Variants in TRHDE observed in about 807,000 individuals in gnomAD.
TRHDE encodes the protein thyrotropin-releasing hormone-degrading ectoenzyme.
In TRHDE, 72 loss-of-function variants were observed where a neutral mutation model predicts 125.7. The observed-to-expected ratio is 0.57, with a 90% CI of 0.47 to 0.70. The LOEUF (loss-of-function observed/expected upper bound fraction) is 0.70. Among genes scored for constraint, TRHDE ranks in the 30% least tolerant of loss-of-function variants. The pLI is 0.00. For synonymous variants in TRHDE, 509 were observed against 509.1 expected (o/e 1.00, Z 0.00); for missense variants, 1,110 against 1,327.1 (o/e 0.84, Z 2.54).
At chr12:72,098,309 A>T (rs1874984159) in intron 1 of TRHDE, among the ~76,000 whole-genome samples, 1 of 152,124 alleles carries the variant, frequency 6.6e-6, no homozygotes, top group African/African-American at 2.4e-5. Context: ...TGTAGTTTTT[A>T]CCCTGTTTCC....
At chr12:72,189,671 C>T (rs1015251510) in intron 2 of TRHDE, among the ~76,000 whole-genome samples, 1 of 152,132 alleles carries the variant, frequency 6.6e-6, no homozygotes, top group African/African-American at 2.4e-5. Flanking sequence ...CTCCAAATGC[C>T]TCGAAGAAGG....
intron 2 of TRHDE, among the ~76,000 whole-genome samples, chr12:72,367,806 A>C (rs867537501): frequency 2.0e-5 from 3 of 152,180 alleles, no homozygotes; most frequent in African/African-American, 7.2e-5. Context: ...GCAAAAGGAG[A>C]AGTAAATGTA....
chr12:72,525,369 G>T (rs1026786985), intron 6 of TRHDE, among the ~76,000 whole-genome samples: 1 of 151,400 alleles, frequency 6.6e-6, no homozygotes, highest in East Asian at 1.9e-4. Context: ...TTTTCCCAAG[G>T]TTTATCATTT....
chr12:72,187,199 T>C (rs897119462), intron 2 of TRHDE, among the ~76,000 whole-genome samples: 2 of 152,122 alleles, frequency 1.3e-5, no homozygotes, highest in Admixed American at 6.5e-5. Flanking sequence ...ATCCTTGTGA[T>C]TATGTTATGA....
intron 2 of TRHDE, among the ~76,000 whole-genome samples, chr12:72,370,573 T>G (rs1427745636): frequency 6.6e-6 from 1 of 152,162 alleles, no homozygotes; most frequent in African/African-American, 2.4e-5. Flanking sequence ...ACTATATATC[T>G]CCTCACTTTT....
intron 3 of TRHDE, among the ~76,000 whole-genome samples, chr12:72,433,345 T>A (rs934612039): frequency 4.6e-5 from 7 of 152,168 alleles, no homozygotes; most frequent in African/African-American, 1.7e-4. Flanking sequence ...TGTGAAGAAC[T>A]GATATTAATT....
intron 2 of TRHDE, among the ~76,000 whole-genome samples, chr12:72,204,484 A>G (rs1201627424): frequency 6.6e-6 from 1 of 152,118 alleles, no homozygotes; most frequent in African/African-American, 2.4e-5. Context: ...TTAAGCAATC[A>G]CTTTTTGTTT....
chr12:72,180,100 C>T (rs962220867), intron 2 of TRHDE, among the ~76,000 whole-genome samples: 1 of 151,534 alleles, frequency 6.6e-6, no homozygotes, highest in African/African-American at 2.4e-5. Flanking sequence ...ATACTTGTGC[C>T]TCCATTCTGA....
intron 2 of TRHDE, among the ~76,000 whole-genome samples, chr12:72,352,406 C>A (rs902564608): frequency 1.3e-5 from 2 of 151,708 alleles, no homozygotes; most frequent in Non-Finnish European, 2.9e-5. Context: ...AATTCAACAG[C>A]GTCATTTATT....
chr12:72,227,851 G>C (rs1878165873), intron 2 of TRHDE, among the ~76,000 whole-genome samples: 1 of 152,158 alleles, frequency 6.6e-6, no homozygotes, highest in Non-Finnish European at 1.5e-5. Context: ...AAATCCAGTG[G>C]GGTAGTCAAA....
At chr12:72,362,479 G>C (rs1200167614) in intron 2 of TRHDE, among the ~76,000 whole-genome samples, 17 of 152,178 alleles carry the variant, frequency 1.1e-4, no homozygotes, top group African/African-American at 4.1e-4. Context: ...TGTCAGATGA[G>C]TAGGTTGCGA....
At chr12:72,581,183 A>G (rs1871209073) in intron 12 of TRHDE, among the ~76,000 whole-genome samples, 1 of 152,218 alleles carries the variant, frequency 6.6e-6, no homozygotes, top group South Asian at 2.1e-4. Flanking sequence ...AGATAAGGTG[A>G]AAATTCTTAC....
At chr12:72,358,377 T>C (rs957323052) in intron 2 of TRHDE, among the ~76,000 whole-genome samples, 44 of 151,614 alleles carry the variant, frequency 2.9e-4, no homozygotes, top group Non-Finnish European at 1.0e-4. Flanking sequence ...ACTAAATAAA[T>C]AGTAAATATA....
At chr12:72,356,488 G>A (rs374717798) in intron 2 of TRHDE, among the ~76,000 whole-genome samples, 2 of 150,958 alleles carry the variant, frequency 1.3e-5, no homozygotes, top group African/African-American at 2.4e-5. Flanking sequence ...CCTGTGACAC[G>A]AGTTTACCTA....
chr12:72,275,624 T>C (rs1406510989), intron 1 of TRHDE, among the ~76,000 whole-genome samples: 1 of 152,208 alleles, frequency 6.6e-6, no homozygotes, highest in Non-Finnish European at 1.5e-5. Context: ...CTTGCTGCAG[T>C]GAAATAAATG....
chr12:72,431,431 G>T (rs1474243976), intron 3 of TRHDE, among the ~76,000 whole-genome samples: 2 of 152,044 alleles, frequency 1.3e-5, no homozygotes, highest in Admixed American at 1.3e-4. Flanking sequence ...AAGTTGAACT[G>T]CTGAAACTTG....
rs529235624 is a variant in TRHDE, at chr12:72,391,753, T to C, written c.1315+13632T>C. ...TATTAGTATTAATAGAGGTAGCTGG[T>C]AAATGGTATGAAACTTGATGAGCCA... On this transcript the variant is annotated intron_variant, in intron 3 of 18. Coordinates refer to ENST00000261180, the MANE Select transcript of TRHDE (RefSeq NM_013381.3). 4.3e-4 allele frequency among the ~76,000 whole-genome samples: 66 copies of C among 152,270 alleles called. 1 individual carries two copies. Among genetic ancestry groups the C allele is most frequent in the African/African-American group, 1.5e-3 (62 of 41,564 alleles).
chr12:72,537,930 T>C (rs1020607951), intron 6 of TRHDE, among the ~76,000 whole-genome samples: 2 of 152,086 alleles, frequency 1.3e-5, no homozygotes, highest in African/African-American at 4.8e-5. Context: ...ATCTCTTATG[T>C]ATCTTTTCTT....
intron 2 of TRHDE, among the ~76,000 whole-genome samples, chr12:72,132,987 A>G (rs1875897504): frequency 6.6e-6 from 1 of 152,206 alleles, no homozygotes; most frequent in South Asian, 2.1e-4. Context: ...AAAGACCTCC[A>G]TGTGGCCAGA....
Sources: allele counts gnomAD v4.1 joint callset (sites outside exome capture counted in the v4.1 genomes callset), GRCh38; gene constraint gnomAD v4.1.1; transcripts MANE v1.5; gene names NCBI Gene and HGNC (gene_info 2026-07-23, HGNC 2026-07-21).